NSMCE1: variants seen among roughly 807,000 people sequenced by gnomAD.
NSMCE1 encodes the protein non-structural maintenance of chromosomes element 1 homolog.
In NSMCE1, 18 loss-of-function variants were observed where a neutral mutation model predicts 29.6. The ratio of observed to expected loss-of-function variants is 0.61; its 90% CI spans 0.42 to 0.90. The LOEUF (loss-of-function observed/expected upper bound fraction) is 0.90. Ranked by LOEUF, NSMCE1 falls within the 40% of genes least tolerant of loss-of-function variation. NSMCE1 has a pLI of 0.00. For missense variants in NSMCE1, 314 were observed against 343.6 expected, an observed-to-expected ratio of 0.91 and a Z score of 0.68; for synonymous variants, 124 against 133.4, an observed-to-expected ratio of 0.93 and a Z score of 0.49.
intron 2 of NSMCE1, among the ~76,000 whole-genome samples, chr16:27,250,239 G>A (rs1321643182): frequency 6.6e-6 from 1 of 152,088 alleles, no homozygotes; most frequent in Non-Finnish European, 1.5e-5. Context: ...TTCTAATCCA[G>A]CTACCTTTTG....
chr16:27,225,331 G>C, intron 7 of NSMCE1, 95 bp from the exon 8 acceptor site: 1 of 767,036 alleles, frequency 1.3e-6, no homozygotes, highest in Non-Finnish European at 2.3e-6. Context: ...CCTGTGCCAA[G>C]GACTGTCCTA....
At chr16:27,261,425 C>T (rs1364864430) in intron 1 of NSMCE1, among the ~76,000 whole-genome samples, 1 of 151,498 alleles carries the variant, frequency 6.6e-6, no homozygotes, top group Non-Finnish European at 1.5e-5. Flanking sequence ...CAAATATCTG[C>T]AATTAACATA....
At chr16:27,247,566 T>A (rs1043634436) in intron 2 of NSMCE1, among the ~76,000 whole-genome samples, 2 of 152,166 alleles carry the variant, frequency 1.3e-5, no homozygotes, top group African/African-American at 4.8e-5. Context: ...CTCTATGCCA[T>A]CCCCATGCAA....
intron 2 of NSMCE1, among the ~76,000 whole-genome samples, chr16:27,250,577 A>G (rs760785208): frequency 6.6e-6 from 1 of 151,582 alleles, no homozygotes; most frequent in Non-Finnish European, 1.5e-5. Flanking sequence ...AGATCACTTG[A>G]GGCCAGGAGT....
intron 5 of NSMCE1, among the ~76,000 whole-genome samples, chr16:27,228,767 C>T (rs1304637612): frequency 1.4e-5 from 2 of 143,014 alleles, no homozygotes; most frequent in East Asian, 4.3e-4. Context: ...AGCCCTCACC[C>T]TCTTCCACCC....
At chr16:27,234,879 C>T (rs186630973) in intron 3 of NSMCE1, among the ~76,000 whole-genome samples, 3 of 152,332 alleles carry the variant, frequency 2.0e-5, no homozygotes, top group African/African-American at 7.2e-5. Flanking sequence ...GGGGAGTCGG[C>T]GGCAGGAGGG....
rs1037965060 is a variant in NSMCE1, at chr16:27,257,103, T to C, written c.136+332A>G. 1.4e-4 allele frequency among the ~76,000 whole-genome samples: 22 copies of C among 152,184 alleles called. 1 individual carries two copies. On this transcript the variant is annotated intron_variant, in intron 2 of 7. Coordinates refer to ENST00000361439, the MANE Select transcript of NSMCE1 (RefSeq NM_145080.4). ...TCATGTCTCTCAATTCCCTGAACCA[T>C]GCACTTACTTATGTGTTAAGTACAA...
intron 6 of NSMCE1, 130 bp downstream of exon 6, chr16:27,226,590 G>A (rs1014346410): frequency 3.2e-5 from 20 of 633,378 alleles, no homozygotes; most frequent in Non-Finnish European, 5.0e-5. Flanking sequence ...GCCTCCGCCA[G>A]CTCTTGTGGG....
At position 27,235,209 on chromosome 16, in the gene NSMCE1, G is replaced by A. The variant is rs766791420; in HGVS notation, c.227C>T (p.Thr76Met). Residue 76 changes from threonine to methionine, a missense_variant, in exon 3 of 8, where the codon ACG becomes ATG. Physicochemically the swap from Thr to Met is moderately conservative, Grantham distance 81. Coordinates refer to ENST00000361439, the MANE Select transcript of NSMCE1 (RefSeq NM_145080.4). The part of the protein sequence containing the change: ...SLYIEIKRGV[T>M]EDDGRPIYAL... ...ATAAATGGGTCTCCCATCATCTTCC[G>A]TGACTCCTCTCTTTATCTCAATATA... 8.7e-6 allele frequency: 14 copies of A among 1,613,700 alleles called. No homozygotes were observed. The highest frequency in any genetic ancestry group is 2.2e-5 in the East Asian group (1 of 44,866).
rs1232992219 is a variant in NSMCE1 at position 27,232,545 on chromosome 16, C to T, written c.483+456G>A. On this transcript the variant is annotated intron_variant, in intron 5 of 7. Transcript: ENST00000361439. This position sits in a 1 kb window ranked among gnomAD's most constrained non-coding sequence, Gnocchi z 4.5. ...GCGAGCCAGCCAGCCTAGCACCGAG[C>T]ACATTACTGTGAGGTCCCATTCCCG... 6.6e-6 allele frequency among the ~76,000 whole-genome samples: 1 copy of T among 152,250 alleles called. No individual in the cohort carries two copies. Among genetic ancestry groups the T allele is most frequent in the Non-Finnish European group, 1.5e-5 (1 of 68,050 alleles).
At position 27,241,928 on chromosome 16, in the gene NSMCE1, A is replaced by G. The variant is rs111333647; in HGVS notation, c.137-6629T>C. The G allele has an allele frequency of 3.4e-3, 1,411 of 413,408 alleles. 11 individuals carry two copies. Among genetic ancestry groups the G allele is most frequent in the African/African-American group, 0.026 (1,273 of 48,914 alleles). The allele number at this position is 413,408 out of a possible 1,614,324, so 25.6% of individuals were successfully genotyped here. Reference sequence around the variant, plus strand: ...GGAAGCGACAAAGTCTAGACCAGAAATCAGATGTCTGGCCATTAGCTGGAT... The same window carrying G: ...GGAAGCGACAAAGTCTAGACCAGAAGTCAGATGTCTGGCCATTAGCTGGAT... On this transcript the variant is annotated intron_variant, in intron 2 of 7. Coordinates refer to ENST00000361439, the MANE Select transcript of NSMCE1 (RefSeq NM_145080.4).
intron 1 of NSMCE1, 137 bp from the exon 2 acceptor site, chr16:27,257,718 G>T: frequency 1.4e-6 from 1 of 709,226 alleles, no homozygotes; most frequent in Non-Finnish European, 2.2e-6. Context: ...TTACTACAAA[G>T]GTGAGAAGAA....
At chr16:27,257,726 G>A in intron 1 of NSMCE1, 145 bp from the exon 2 acceptor site, 1 of 664,676 alleles carries the variant, frequency 1.5e-6, no homozygotes, top group Non-Finnish European at 2.4e-6. Flanking sequence ...AAGGTGAGAA[G>A]AAGAACACGA....
At chr16:27,244,643 A>G (rs2083933822) in intron 2 of NSMCE1, among the ~76,000 whole-genome samples, 1 of 139,778 alleles carries the variant, frequency 7.2e-6, no homozygotes, top group Admixed American at 6.9e-5. Flanking sequence ...GCATCGCCAC[A>G]TATGGCAGCT....
chr16:27,254,689 G>A (rs970348181), intron 2 of NSMCE1, among the ~76,000 whole-genome samples: 10 of 151,734 alleles, frequency 6.6e-5, no homozygotes, highest in African/African-American at 2.4e-4. Context: ...CTGCTCAAGC[G>A]ATCCTCCTGC....
At chr16:27,227,783 CTT>C (rs1239133211) in intron 5 of NSMCE1, among the ~76,000 whole-genome samples, 3 of 65,992 alleles carry the variant, frequency 4.5e-5, no homozygotes, top group East Asian at 7.6e-4. Context: ...CTTTTCTTTT[CTT>C]TTTTTTTTTT....
chr16:27,236,318 A>G (rs2083824756), intron 2 of NSMCE1, among the ~76,000 whole-genome samples: 1 of 88,846 alleles, frequency 1.1e-5, no homozygotes, highest in African/African-American at 4.6e-5. Flanking sequence ...TTTTTTTTTG[A>G]GACAGAGTCT....
intron 1 of NSMCE1, among the ~76,000 whole-genome samples, chr16:27,261,230 G>A: frequency 6.8e-6 from 1 of 147,162 alleles, no homozygotes; most frequent in Admixed American, 6.7e-5. Flanking sequence ...AAGGTAAAAT[G>A]AGAAAATAAT....
intron 2 of NSMCE1, among the ~76,000 whole-genome samples, chr16:27,237,210 G>A (rs900917671): frequency 2.0e-5 from 3 of 152,232 alleles, no homozygotes; most frequent in African/African-American, 7.2e-5. Context: ...TGGATGTGGT[G>A]AGATCGTAAC....
Sources: allele counts gnomAD v4.1 joint callset (sites outside exome capture counted in the v4.1 genomes callset), GRCh38; gene constraint gnomAD v4.1.1; non-coding constraint Gnocchi (gnomAD v3.1); transcripts MANE v1.5; gene names NCBI Gene and HGNC (gene_info 2026-07-23, HGNC 2026-07-21).